Variants in CA10 observed in about 807,000 individuals in gnomAD.
CA10 encodes carbonic anhydrase 10 (inactive).
A neutral mutation model predicts 44.2 loss-of-function variants in CA10; 14 were observed. That is an observed-to-expected ratio of 0.32 (90% confidence interval 0.21 to 0.50). The LOEUF is 0.50. Among genes scored for constraint, CA10 ranks in the 20% least tolerant of loss-of-function variants. The probability of loss-of-function intolerance (pLI) is 0.99; values close to 1 mark genes in which losing one functional copy is unlikely to be tolerated. For missense variants in CA10, 350 were observed against 409.7 expected (o/e 0.85, Z 1.26); for synonymous variants, 159 against 141.6 (o/e 1.12, Z -0.87).
At chr17:51,952,906 T>C (rs1983537693) in intron 2 of CA10, among the ~76,000 whole-genome samples, 1 of 152,114 alleles carries the variant, frequency 6.6e-6, no homozygotes, top group Non-Finnish European at 1.5e-5. Flanking sequence ...CAGAGACTTA[T>C]GTGACATATC....
intron 3 of CA10, among the ~76,000 whole-genome samples, chr17:51,899,333 A>T (rs1373282732): frequency 6.6e-6 from 1 of 152,136 alleles, no homozygotes; most frequent in Non-Finnish European, 1.5e-5. Flanking sequence ...ATTCAGGAGC[A>T]GGTTGTTTAA....
At chr17:51,868,285 T>C (rs2143855396) in intron 3 of CA10, among the ~76,000 whole-genome samples, 1 of 152,316 alleles carries the variant, frequency 6.6e-6, no homozygotes, top group Non-Finnish European at 1.5e-5. Context: ...AGCACCAGAA[T>C]CTATTCCGCT....
intron 2 of CA10, among the ~76,000 whole-genome samples, chr17:51,961,542 A>G (rs1300627146): frequency 6.6e-6 from 1 of 152,160 alleles, no homozygotes; most frequent in African/African-American, 2.4e-5. Context: ...GAAAAGGTCA[A>G]TAAAATTTGA....
chr17:51,862,829 T>C (rs1007845777), intron 3 of CA10, among the ~76,000 whole-genome samples: 1 of 151,888 alleles, frequency 6.6e-6, no homozygotes, highest in Non-Finnish European at 1.5e-5. Context: ...GAGAACAAAC[T>C]ATCTGATGTC....
At chr17:51,975,659 A>G (rs556842681) in intron 2 of CA10, among the ~76,000 whole-genome samples, 1 of 152,330 alleles carries the variant, frequency 6.6e-6, no homozygotes, top group East Asian at 1.9e-4. Flanking sequence ...AGCCTGGGCG[A>G]CATTGTGAGA....
intron 2 of CA10, among the ~76,000 whole-genome samples, chr17:52,016,242 G>T (rs761402278): frequency 2.0e-4 from 30 of 152,044 alleles, no homozygotes; most frequent in Non-Finnish European, 3.7e-4. Flanking sequence ...CAATCTTTCT[G>T]TTCTTAATTG....
chr17:52,037,287 A>C (rs954094605), intron 2 of CA10, among the ~76,000 whole-genome samples: 2 of 152,114 alleles, frequency 1.3e-5, no homozygotes, highest in African/African-American at 4.8e-5. Context: ...GTCAGCATTG[A>C]GAAGTAGAAA....
At chr17:51,860,388 A>G (rs1471426129) in intron 3 of CA10, among the ~76,000 whole-genome samples, 1 of 152,234 alleles carries the variant, frequency 6.6e-6, no homozygotes, top group South Asian at 2.1e-4. Context: ...CAAAACATCC[A>G]GGAAACTGAA....
In CA10 at chr17:51,631,309, T is replaced by C; in HGVS notation, c.*275A>G. 1 of 399,006 alleles carries C rather than the reference T, an allele frequency of 2.5e-6. No individual in the cohort carries two copies. The highest frequency in any genetic ancestry group is 5.6e-5 in the South Asian group (1 of 17,784). 24.7% of individuals were successfully genotyped at this position (399,006 alleles called of 1,614,324 possible). A position where few individuals can be genotyped will look rare whatever the true frequency, so the allele number is the denominator to read the frequency against. On this transcript the variant is annotated 3_prime_UTR_variant, in exon 9 of 9. Transcript: ENST00000451037. ...TTTGTTTCTGAAACTTGACTTCCCA[T>C]GATGGAGGTTGTAAGAGTGTGTGTG...
chr17:51,959,282 C>CTCTCTG (rs748461115), intron 2 of CA10, among the ~76,000 whole-genome samples: 1,930 of 134,386 alleles, frequency 0.014, 18 homozygotes, highest in East Asian at 0.035. Flanking sequence ...CTCTCTCTCT[C>CTCTCTG]TGTGTGTGTG....
At chr17:51,909,046 G>C (rs1385591839) in intron 3 of CA10, among the ~76,000 whole-genome samples, 1 of 152,118 alleles carries the variant, frequency 6.6e-6, no homozygotes, top group Non-Finnish European at 1.5e-5. Context: ...ACATTTCAGG[G>C]AAGACTGTAC....
At chr17:51,654,289 T>C (rs1483633328) in intron 4 of CA10, among the ~76,000 whole-genome samples, 4 of 152,242 alleles carry the variant, frequency 2.6e-5, no homozygotes, top group African/African-American at 9.6e-5. Context: ...TAGGACTTTA[T>C]TTCCTCCTCA....
intron 4 of CA10, among the ~76,000 whole-genome samples, chr17:51,681,073 C>T (rs1914830584): frequency 6.6e-6 from 1 of 152,208 alleles, no homozygotes; most frequent in Non-Finnish European, 1.5e-5. Flanking sequence ...GTCTTCCAGC[C>T]TTAATCTGCA....
intron 4 of CA10, among the ~76,000 whole-genome samples, chr17:51,674,055 G>A (rs1914527066): frequency 2.0e-5 from 3 of 152,218 alleles, no homozygotes; most frequent in Admixed American, 2.0e-4. Context: ...GCTCATGCAT[G>A]CCTCTCTGCT....
At chr17:51,887,599 A>G (rs1980666002) in intron 3 of CA10, among the ~76,000 whole-genome samples, 1 of 152,192 alleles carries the variant, frequency 6.6e-6, no homozygotes, top group South Asian at 2.1e-4. Flanking sequence ...CCTCAGCCTC[A>G]GTTTCCACAT....
intron 3 of CA10, among the ~76,000 whole-genome samples, chr17:51,825,845 G>A (rs934780000): frequency 2.0e-5 from 3 of 152,130 alleles, no homozygotes; most frequent in Non-Finnish European, 2.9e-5. Context: ...ACGGTGGCTC[G>A]GACAGACTGA....
chr17:51,870,385 T>C (rs554832272), intron 3 of CA10, among the ~76,000 whole-genome samples: 2 of 152,332 alleles, frequency 1.3e-5, no homozygotes, highest in South Asian at 4.1e-4. Flanking sequence ...GAGCAAATGA[T>C]TTGTGTAAGC....
rs552337544 is a variant in CA10 at position 51,677,959 on chromosome 17, A to G, written c.466-24223T>C. On this transcript the variant is annotated intron_variant, in intron 4 of 8. Coordinates refer to ENST00000451037, the MANE Select transcript of CA10 (RefSeq NM_020178.5). The stretch of plus-strand genomic sequence containing the variant: ...ACTGTACACCCATGTTCACAGCAGC[A>G]CTATTCACAATACCAAAAGGTAGAA... Among the ~76,000 whole-genome samples, 3 of 151,416 alleles carry G rather than the reference A, an allele frequency of 2.0e-5. No homozygotes were observed. The East Asian group carries it at 5.8e-4, about 30-fold the overall frequency.
At chr17:52,108,630 G>A (rs1436216760) in intron 1 of CA10, among the ~76,000 whole-genome samples, 1 of 147,322 alleles carries the variant, frequency 6.8e-6, no homozygotes, top group East Asian at 2.0e-4. Context: ...AACCTGGGAG[G>A]TGGAGGTTGC....
Sources: gnomAD v4.1 joint callset for allele counts (sites outside exome capture counted in the v4.1 genomes callset) on GRCh38, gnomAD v4.1.1 for gene constraint, MANE v1.5 for transcripts, NCBI Gene and HGNC (gene_info 2026-07-23, HGNC 2026-07-21) for gene names.